SIN3B: variants seen among roughly 807,000 people sequenced by gnomAD.
SIN3B encodes paired amphipathic helix protein Sin3b.
In SIN3B, 19 loss-of-function variants were observed where a neutral mutation model predicts 120.2. That is an observed-to-expected ratio of 0.16 (90% CI 0.11 to 0.23). SIN3B has a LOEUF of 0.23. SIN3B is among the 10% of genes least tolerant of loss of function. SIN3B has a pLI of 1.00. For synonymous variants in SIN3B, 654 were observed against 653.2 expected (o/e 1.00, Z -0.02); for missense variants, 1,073 against 1,573.0 (o/e 0.68, Z 5.38).
Position 16,878,815 on chromosome 19 carries a change from C to A in SIN3B, c.*88C>A. ...GTGTCGGGGCCGTTTTCTTGAACGACGTGAGAGGCATCTCCCAGCCCCTCT... is the reference window on the plus strand; with the variant it reads ...GTGTCGGGGCCGTTTTCTTGAACGAAGTGAGAGGCATCTCCCAGCCCCTCT... On this transcript the variant is annotated 3_prime_UTR_variant, in exon 19 of 19. Coordinates refer to ENST00000248054, the MANE Select transcript of SIN3B (RefSeq NM_001297595.2). The A allele has an allele frequency of 8.6e-7, 1 of 1,157,890 alleles. No homozygotes were observed. Among genetic ancestry groups the A allele is most frequent in the South Asian group, 1.5e-5 (1 of 67,998 alleles). The allele number at this position is 1,157,890 out of a possible 1,614,324, so 71.7% of individuals were successfully genotyped here.
Position 16,866,451 on chromosome 19 carries a change from G to T in SIN3B, c.1701G>T (p.Ala567=). ...NKIWREQYEK[A]YLKSLDHQAV... is the part of the protein sequence containing the mutation. ...TCTGGCGGGAGCAGTATGAGAAGGCGTACCTCAAGTCCCTTGACCACCAGG... is the reference window on the plus strand; with the variant it reads ...TCTGGCGGGAGCAGTATGAGAAGGCTTACCTCAAGTCCCTTGACCACCAGG... Residue 567 remains alanine (A), a synonymous_variant, in exon 12 of 19, where the codon GCG becomes GCT. Transcript: ENST00000248054. 6.2e-7 allele frequency: 1 copy of T among 1,613,820 alleles called. No individual in the cohort carries two copies. The highest frequency in any genetic ancestry group is 1.1e-5 in the South Asian group (1 of 91,066).
At position 16,869,642 on chromosome 19, in the gene SIN3B, G is replaced by A; in HGVS notation, c.1989G>A (p.Val663=). ...GTIHQLLHQF[V]PSLFFSQQLD... ...TCCACCAGCTGCTGCACCAGTTCGT[G>A]CCCAGCCTCTTCTTCTCTCAGCAGC... Residue 663 remains valine, a synonymous_variant, in exon 13 of 19, where the codon GTG becomes GTA. Transcript: ENST00000248054. 3 of 1,613,556 alleles carry A rather than the reference G, an allele frequency of 1.9e-6. No homozygotes were observed. The highest frequency in any genetic ancestry group is 2.2e-5 in the South Asian group (2 of 91,092).
intron 10 of SIN3B, among the ~76,000 whole-genome samples, chr19:16,864,305 C>A (rs10411011): frequency 0.43 from 65,436 of 151,850 alleles, 14,182 homozygotes; most frequent in Non-Finnish European, 0.45. Context: ...TAAAAAGTTT[C>A]TTTAATGTAA....
chr19:16,838,436 G>A (rs530270959), intron 3 of SIN3B, among the ~76,000 whole-genome samples: 84 of 152,250 alleles, frequency 5.5e-4, no homozygotes, highest in African/African-American at 2.0e-3. Flanking sequence ...CATACACCGT[G>A]TGGCTGTTGG....
In SIN3B at chr19:16,863,864, C is replaced by T. The variant is rs545265000; in HGVS notation, c.1383+68C>T. 74 of 1,088,574 alleles carry T rather than the reference C, an allele frequency of 6.8e-5. No homozygotes were observed. The African/African-American group carries it at 1.0e-3, about 15-fold the overall frequency. The allele number at this position is 1,088,574 out of a possible 1,614,324, so 67.4% of individuals were successfully genotyped here. ...TCCCCTTCTCCATGGGACATGCATC[C>T]TGATCCTCCTCCACTGCCCCAGTCT... On this transcript the variant is annotated intron_variant, in intron 10 of 18. Coordinates refer to ENST00000248054, the MANE Select transcript of SIN3B (RefSeq NM_001297595.2).
intron 14 of SIN3B, 25 bp downstream of exon 14, chr19:16,871,423 G>T (rs1234359005): frequency 6.3e-7 from 1 of 1,576,526 alleles, no homozygotes; most frequent in Non-Finnish European, 8.6e-7. Context: ...GGTGGGGCCG[G>T]CCCTGAGGAC....
In SIN3B at chr19:16,862,743, C is replaced by G; in HGVS notation, c.1266+184C>G. 3 of 971,344 alleles carry G rather than the reference C, an allele frequency of 3.1e-6. No homozygotes were observed. Among genetic ancestry groups the G allele is most frequent in the Non-Finnish European group, 4.9e-6 (3 of 615,872 alleles). 60.2% of individuals were successfully genotyped at this position (971,344 alleles called of 1,614,324 possible). ...CTGAGCAGAGACAACAGTGTTGTAC[C>G]CTGCTGGTAGTTTTGGCAAAACACA... On this transcript the variant is annotated intron_variant, in intron 9 of 18. Coordinates refer to ENST00000248054, the MANE Select transcript of SIN3B (RefSeq NM_001297595.2). The surrounding 1 kb of genome is among the most constrained non-coding windows in gnomAD (Gnocchi z 4.7).
chr19:16,869,485 G>T lies in SIN3B; in HGVS notation c.1832G>T (p.Arg611Leu). 1 of 1,610,948 alleles carries T rather than the reference G, an allele frequency of 6.2e-7. No individual in the cohort carries two copies. The highest frequency in any genetic ancestry group is 2.2e-5 in the East Asian group (1 of 44,796). The change falls in exon 13 of 19, where the codon CGC (arginine) becomes CTC (leucine). Residue 611 changes from arginine to leucine, a missense_variant. Transcript: ENST00000248054. Reference sequence around the variant, plus strand: ...CACCAGGAGCAGCACTCGGAGGGCCGCAGTGCCCCCTCTAGCGAGCCGCAC... The same window carrying T: ...CACCAGGAGCAGCACTCGGAGGGCCTCAGTGCCCCCTCTAGCGAGCCGCAC... ...DEHQEQHSEG[R>L]SAPSSEPHLI...
rs200240514 is a variant in SIN3B, at chr19:16,857,549, G to GTATA, written c.1058+3289_1058+3290insATAT. Among the ~76,000 whole-genome samples, 61 of 144,124 alleles carry GTATA rather than the reference G, an allele frequency of 4.2e-4. 1 individual carries two copies. Among genetic ancestry groups the GTATA allele is most frequent in the African/African-American group, 1.5e-3 (55 of 37,204 alleles). 94.6% of individuals were successfully genotyped at this position (144,124 alleles called of 152,430 possible). A position where few individuals can be genotyped will look rare whatever the true frequency, so the allele number is the denominator to read the frequency against. The stretch of plus-strand genomic sequence containing the variant: ...TGTGTGTGTGTGTGTGTGTGTGTGT[G>GTATA]TGTGTATATATACACATAAACATTT... On this transcript the variant is annotated intron_variant, in intron 8 of 18. Coordinates refer to ENST00000248054, the MANE Select transcript of SIN3B (RefSeq NM_001297595.2).
At position 16,878,911 on chromosome 19, in the gene SIN3B, T is replaced by TGCCAAACCTGAGC; in HGVS notation, c.*185_*197dup. 1.6e-6 allele frequency: 1 copy of TGCCAAACCTGAGC among 617,102 alleles called. No individual in the cohort carries two copies. 38.2% of individuals were successfully genotyped at this position (617,102 alleles called of 1,614,324 possible). ...CCCGGTCTCCTGTGGGCCTGCTGTG[T>TGCCAAACCTGAGC]GCCAAACCTGAGCTACCTGCACCCG... On this transcript the variant is annotated 3_prime_UTR_variant, in exon 19 of 19. Coordinates refer to ENST00000248054, the MANE Select transcript of SIN3B (RefSeq NM_001297595.2).
chr19:16,875,760 TTGGTCTGGTCTGTTTGGTC>T (rs1360300226), intron 14 of SIN3B, among the ~76,000 whole-genome samples: 3 of 145,826 alleles, frequency 2.1e-5, no homozygotes, highest in South Asian at 4.5e-4. Context: ...TCTGGTCTGT[TTGGTCTGGTCTGTTTGGTC>T]TGGTCTGGTC....
intron 1 of SIN3B, 69 bp downstream of exon 1, chr19:16,829,609 C>A: frequency 8.0e-7 from 1 of 1,249,436 alleles, no homozygotes; most frequent in South Asian, 2.9e-5. Context: ...GCCCCTCACC[C>A]AGGCCCCGCC....
chr19:16,841,841 A>G lies in SIN3B; in HGVS notation c.455A>G (p.Gln152Arg). Residue 152 changes from glutamine (Q) to arginine (R), a missense_variant, in exon 4 of 19, where the codon CAG becomes CGG. Gln to Arg is a conservative substitution (Grantham distance 43). This residue lies in a region of SIN3B where 395 missense variants were observed against 528.0 expected (regional missense o/e 0.75). Coordinates refer to ENST00000248054, the MANE Select transcript of SIN3B (RefSeq NM_001297595.2). ...GTGCCGTATAAAGAGGACAAACCCC[A>G]GGTGCCCCTGGAGTCCGATTCCGTG... ...QQVPYKEDKPQVPLESDSVEF... is the reference protein window; with the variant it reads ...QQVPYKEDKPRVPLESDSVEF... 6.2e-7 allele frequency: 1 copy of G among 1,614,128 alleles called. No homozygotes were observed. Among genetic ancestry groups the G allele is most frequent in the South Asian group, 1.1e-5 (1 of 91,084 alleles).
intron 17 of SIN3B, 150 bp downstream of exon 17, chr19:16,877,789 G>T: frequency 3.0e-6 from 2 of 665,296 alleles, no homozygotes; most frequent in Non-Finnish European, 5.3e-6. Flanking sequence ...GCCCTTTTGA[G>T]GCTTGTGGTT....
intron 3 of SIN3B, among the ~76,000 whole-genome samples, chr19:16,835,871 A>T (rs749808352): frequency 2.4e-4 from 37 of 152,042 alleles, no homozygotes; most frequent in Non-Finnish European, 4.4e-4. Flanking sequence ...TCCAGGCTGG[A>T]CTCAAGTGAT....
chr19:16,841,071 C>G (rs1971411058), intron 3 of SIN3B, among the ~76,000 whole-genome samples: 1 of 152,158 alleles, frequency 6.6e-6, no homozygotes, highest in Non-Finnish European at 1.5e-5. Flanking sequence ...TTAGAAACAA[C>G]AGCTCCTCCT....
chr19:16,852,466 C>T (rs1292992484), intron 6 of SIN3B, among the ~76,000 whole-genome samples: 5 of 152,154 alleles, frequency 3.3e-5, no homozygotes, highest in Non-Finnish European at 7.3e-5. Flanking sequence ...AGGCTGGTCT[C>T]GAACTCCTGG....
intron 14 of SIN3B, 35 bp downstream of exon 14, chr19:16,871,433 C>T (rs763940337): frequency 2.8e-5 from 44 of 1,560,750 alleles, no homozygotes; most frequent in East Asian, 9.1e-5. Flanking sequence ...GCCCTGAGGA[C>T]GGCGGAAATG....
At chr19:16,877,505 C>T in intron 16 of SIN3B, 40 bp from the exon 17 acceptor site, 1 of 1,448,724 alleles carries the variant, frequency 6.9e-7, no homozygotes, top group Admixed American at 1.9e-5. Flanking sequence ...CATAGCCCTG[C>T]TGTAGGGGCA....
Sources: gnomAD v4.1 joint callset for allele counts (sites outside exome capture counted in the v4.1 genomes callset) on GRCh38, gnomAD v4.1.1 for gene constraint, gnomAD v4.1.1 regional missense constraint, Gnocchi (gnomAD v3.1) non-coding constraint, MANE v1.5 for transcripts, NCBI Gene and HGNC (gene_info 2026-07-23, HGNC 2026-07-21) for gene names.